Variants in KIFC3 observed in about 807,000 individuals in gnomAD.
KIFC3 encodes kinesin family member C3.
In KIFC3, 60 loss-of-function variants were observed where a neutral mutation model predicts 101.8. The observed-to-expected ratio is 0.59, with a 90% CI of 0.48 to 0.73. KIFC3 has a LOEUF of 0.73. KIFC3 is among the 30% of genes least tolerant of loss of function. KIFC3 has a pLI of 0.00. For missense variants in KIFC3, 966 were observed against 1,137.1 expected (o/e 0.85, Z 2.16); for synonymous variants, 476 against 482.7 (o/e 0.99, Z 0.18).
At chr16:57,850,816 G>A (rs151001342) in intron 1 of KIFC3, among the ~76,000 whole-genome samples, 4 of 152,106 alleles carry the variant, frequency 2.6e-5, no homozygotes, top group East Asian at 3.9e-4. Context: ...GGAGTTCTCC[G>A]CAGGCCCTTC....
chr16:57,759,676 G>C (rs1457381913), intron 18 of KIFC3, 52 bp downstream of exon 18: 2 of 1,376,102 alleles, frequency 1.5e-6, no homozygotes, highest in South Asian at 1.3e-5. Flanking sequence ...GGGCAGCCTG[G>C]TGACTATTAC....
At chr16:57,844,337 G>GT (rs2055871967) in intron 1 of KIFC3, among the ~76,000 whole-genome samples, 2 of 150,630 alleles carry the variant, frequency 1.3e-5, no homozygotes, top group Admixed American at 1.3e-4. Flanking sequence ...GGGTGAGGCA[G>GT]GAAAATTGCT....
At chr16:57,816,950 T>G in intron 1 of KIFC3, 1 of 344,172 alleles carries the variant, frequency 2.9e-6, no homozygotes, top group Non-Finnish European at 5.8e-6. Context: ...CCCTTCACAC[T>G]CACTACATGC....
intron 3 of KIFC3, chr16:57,779,376 C>G (rs1177025798): frequency 6.6e-6 from 1 of 152,160 alleles, no homozygotes; most frequent in Non-Finnish European, 1.5e-5. Flanking sequence ...CAGTCAAACC[C>G]ACGGAGACAG....
At chr16:57,789,058 G>A (rs978231447) in intron 3 of KIFC3, among the ~76,000 whole-genome samples, 3 of 152,192 alleles carry the variant, frequency 2.0e-5, no homozygotes, top group Non-Finnish European at 2.9e-5. Context: ...CTTCCGGTGC[G>A]CACACCCCAC....
intron 2 of KIFC3, among the ~76,000 whole-genome samples, chr16:57,795,722 C>T (rs963628578): frequency 7.9e-5 from 12 of 152,084 alleles, no homozygotes; most frequent in African/African-American, 2.9e-4. Flanking sequence ...AGCCACCCAC[C>T]TCCACCTGCA....
upstream of KIFC3, chr16:57,802,831 G>T: frequency 2.3e-6 from 2 of 878,848 alleles, no homozygotes; most frequent in Non-Finnish European, 3.6e-6. This position sits in a 1 kb window ranked among gnomAD's most constrained non-coding sequence, Gnocchi z 5.0. Context: ...GGTGAGCCAT[G>T]CGTACTTTTG....
intron 1 of KIFC3, among the ~76,000 whole-genome samples, chr16:57,862,444 A>G (rs1212957935): frequency 6.6e-6 from 1 of 152,186 alleles, no homozygotes; most frequent in Non-Finnish European, 1.5e-5. Flanking sequence ...AAACCTCAGA[A>G]AGCAAAACTG....
At chr16:57,776,259 G>A in intron 3 of KIFC3, 1 of 985,498 alleles carries the variant, frequency 1.0e-6, no homozygotes, top group Non-Finnish European at 1.2e-6. Context: ...ACTCAGCCCA[G>A]AGGCCAGCGG....
In KIFC3 at chr16:57,816,339, TCCTGGGG is replaced by T. The variant is rs2055224162; in HGVS notation, c.109-18064_109-18058del. The T allele has an allele frequency of 2.9e-6, 3 of 1,048,924 alleles. No homozygotes were observed. In the African/African-American group the frequency reaches 4.9e-5, roughly 17 times the overall value. The allele number at this position is 1,048,924 out of a possible 1,614,324, so 65.0% of individuals were successfully genotyped here. On this transcript the variant is annotated intron_variant, in intron 1 of 2. Coordinates refer to the KIFC3 transcript ENST00000563028. ...TCTGTCTTCCCGTGTGTCTTCAGGA[TCCTGGGG>T]CCTGCCCCTCCTGGCTTCCTCTTGA...
chr16:57,851,306 T>C (rs1446033147), intron 1 of KIFC3, among the ~76,000 whole-genome samples: 5 of 152,302 alleles, frequency 3.3e-5, no homozygotes, highest in African/African-American at 1.2e-4. Context: ...TGAGCCACCA[T>C]GCATGGCCTA....
At chr16:57,784,698 G>A (rs2053129104) in intron 3 of KIFC3, among the ~76,000 whole-genome samples, 1 of 152,158 alleles carries the variant, frequency 6.6e-6, no homozygotes, top group Non-Finnish European at 1.5e-5. Context: ...GACAGGCTTG[G>A]AGACCTTGGG....
chr16:57,803,854 A>G (rs1334479389), upstream of KIFC3, among the ~76,000 whole-genome samples: 1 of 152,198 alleles, frequency 6.6e-6, no homozygotes, highest in Admixed American at 6.5e-5. Flanking sequence ...GGGAGTTATG[A>G]TCTCTGAATT....
chr16:57,847,206 GGAAGGAAGGAA>G (rs2055939248), intron 1 of KIFC3, among the ~76,000 whole-genome samples: 1 of 43,364 alleles, frequency 2.3e-5, no homozygotes, highest in African/African-American at 1.6e-4. Context: ...AAGGAAGGAA[GGAAGGAAGGAA>G]GGAAGGAAGG....
At chr16:57,812,481 G>A (rs1056392860) in intron 1 of KIFC3, among the ~76,000 whole-genome samples, 2 of 152,140 alleles carry the variant, frequency 1.3e-5, no homozygotes, top group African/African-American at 4.8e-5. Context: ...TCCAGGAAAG[G>A]TGTGTGTGAA....
chr16:57,804,953 G>A (rs1364585726), upstream of KIFC3, among the ~76,000 whole-genome samples: 1 of 149,806 alleles, frequency 6.7e-6, no homozygotes, highest in African/African-American at 2.5e-5. Flanking sequence ...CACCCAAGCT[G>A]GAGTGCAGTG....
chr16:57,815,558 C>T (rs2055200378), intron 1 of KIFC3: 23 of 1,289,478 alleles, frequency 1.8e-5, no homozygotes, highest in Non-Finnish European at 2.2e-5. Context: ...AAGACCAACA[C>T]TGATGCCTTA....
At chr16:57,818,014 C>CTTTTTTTT (rs112869689) in intron 1 of KIFC3, among the ~76,000 whole-genome samples, 1 of 147,410 alleles carries the variant, frequency 6.8e-6, no homozygotes, top group Non-Finnish European at 1.5e-5. Flanking sequence ...TTCTTTCTTT[C>CTTTTTTTT]TTTTTTTTTT....
rs781977387 is a variant in KIFC3 at position 57,765,521 on chromosome 16, T to C, written c.1450A>G (p.Lys484Glu). ...AGCTCGAAGGACACAGGCTTGCCCT[T>C]GTGCAGCAGGTGGATGATGGAGTCG... Reference protein sequence around the residue: ...DDDSIIHLLHKGKPVSFELDK... With the variant: ...DDDSIIHLLHEGKPVSFELDK... Residue 484 changes from lysine to glutamate, a missense_variant, in exon 11 of 20, where the codon AAG becomes GAG. Physicochemically the swap from Lys to Glu is moderately conservative, Grantham distance 56. Transcript: ENST00000445690. The C allele has an allele frequency of 3.8e-6, 6 of 1,594,118 alleles. No homozygotes were observed. Among genetic ancestry groups the C allele is most frequent in the Non-Finnish European group, 5.1e-6 (6 of 1,169,432 alleles).
Sources: gnomAD v4.1 joint callset for allele counts (sites outside exome capture counted in the v4.1 genomes callset) on GRCh38, gnomAD v4.1.1 for gene constraint, Gnocchi (gnomAD v3.1) non-coding constraint, MANE v1.5 for transcripts, NCBI Gene and HGNC (gene_info 2026-07-23, HGNC 2026-07-21) for gene names.